The following PAPPA2 variants were observed in gnomAD, a reference collection of about 807,000 sequenced individuals.
PAPPA2 encodes pappalysin-2.
Under a neutral mutation model 176.4 loss-of-function variants are expected in PAPPA2, and 86 were observed. The ratio of observed to expected loss-of-function variants is 0.49; its 90% CI spans 0.41 to 0.58. PAPPA2 has a LOEUF of 0.58. PAPPA2 is among the 20% of genes least tolerant of loss of function. The pLI is 0.00. For synonymous variants in PAPPA2, 809 were observed against 852.2 expected (o/e 0.95, Z 0.88); for missense variants, 2,073 against 2,256.9 (o/e 0.92, Z 1.65).
intron 3 of PAPPA2, among the ~76,000 whole-genome samples, chr1:176,617,647 C>CATATATATATATATATATATAT (rs150600721): frequency 2.4e-4 from 36 of 147,892 alleles, no homozygotes; most frequent in African/African-American, 7.9e-4. Flanking sequence ...TTCCATGGCG[C>CATATATATATATATATATATAT]ATATATATAT....
intron 21 of PAPPA2, among the ~76,000 whole-genome samples, chr1:176,808,906 T>C (rs1410269880): frequency 6.6e-6 from 1 of 152,192 alleles, no homozygotes; most frequent in East Asian, 1.9e-4. Context: ...ATATTTTACT[T>C]AGAGAAAAGT....
intron 14 of PAPPA2, among the ~76,000 whole-genome samples, chr1:176,742,674 C>T (rs1024189050): frequency 6.6e-6 from 1 of 152,118 alleles, no homozygotes; most frequent in Admixed American, 6.6e-5. Flanking sequence ...GTGAATATAA[C>T]TGAAACCTAA....
intron 3 of PAPPA2, among the ~76,000 whole-genome samples, chr1:176,624,603 G>A (rs891208070): frequency 6.6e-6 from 1 of 151,950 alleles, no homozygotes; most frequent in Non-Finnish European, 1.5e-5. Context: ...AACACATCAA[G>A]CTTCTTCCCA....
intron 2 of PAPPA2, among the ~76,000 whole-genome samples, chr1:176,590,897 C>T (rs1653615806): frequency 6.6e-6 from 1 of 152,050 alleles, no homozygotes; most frequent in Non-Finnish European, 1.5e-5. Flanking sequence ...CAGTCTGACA[C>T]CTAATCTCTC....
chr1:176,742,464 C>T (rs1464399986), intron 14 of PAPPA2, among the ~76,000 whole-genome samples: 2 of 152,168 alleles, frequency 1.3e-5, no homozygotes, highest in Admixed American at 6.6e-5. Flanking sequence ...AAACAAGTTT[C>T]ATATGCATGC....
intron 21 of PAPPA2, among the ~76,000 whole-genome samples, chr1:176,816,877 T>C (rs572721765): frequency 2.6e-5 from 4 of 152,304 alleles, no homozygotes; most frequent in Admixed American, 2.0e-4. Context: ...TCTAAATTCT[T>C]ATTTCACCTA....
intron 1 of PAPPA2, among the ~76,000 whole-genome samples, chr1:176,498,385 A>C (rs919740421): frequency 6.6e-5 from 10 of 152,108 alleles, no homozygotes; most frequent in Admixed American, 3.9e-4. Flanking sequence ...AAACCTAAAC[A>C]ATCAGATTTT....
intron 21 of PAPPA2, among the ~76,000 whole-genome samples, chr1:176,821,171 T>C (rs1350820265): frequency 1.3e-5 from 2 of 152,160 alleles, no homozygotes; most frequent in African/African-American, 4.8e-5. Flanking sequence ...CTACGATGTG[T>C]TGAGATTACA....
intron 10 of PAPPA2, among the ~76,000 whole-genome samples, chr1:176,706,711 C>T (rs904362880): frequency 2.6e-5 from 4 of 152,154 alleles, no homozygotes; most frequent in African/African-American, 9.7e-5. Flanking sequence ...AGCATTTGAA[C>T]TAAGGAAGTA....
In PAPPA2 at chr1:176,477,207, A is replaced by G. The variant is rs570321585; in HGVS notation, c.-917+13789A>G. On this transcript the variant is annotated intron_variant, in intron 1 of 22. Transcript: ENST00000367662. ...CCTCTCAGGATCATAGTCTCATTGC[A>G]TATCCTTTCTTGTGACCTTGCTGCA... Among the ~76,000 whole-genome samples the G allele has an allele frequency of 5.9e-5, 9 of 152,314 alleles. No homozygotes were observed. The East Asian group carries it at 1.5e-3, about 26-fold the overall frequency.
chr1:176,531,165 A>G (rs965204156), intron 1 of PAPPA2, among the ~76,000 whole-genome samples: 1 of 152,228 alleles, frequency 6.6e-6, no homozygotes, highest in Non-Finnish European at 1.5e-5. Flanking sequence ...ACACCAACAC[A>G]GTTTCTAGCA....
intron 3 of PAPPA2, among the ~76,000 whole-genome samples, chr1:176,610,508 T>G (rs1654856642): frequency 6.6e-6 from 1 of 152,166 alleles, no homozygotes; most frequent in Non-Finnish European, 1.5e-5. Flanking sequence ...GATGTAGTCA[T>G]TAAAAATATC....
chr1:176,753,858 G>A (rs371389326), intron 14 of PAPPA2, among the ~76,000 whole-genome samples: 4 of 151,826 alleles, frequency 2.6e-5, no homozygotes, highest in African/African-American at 9.7e-5. Context: ...TTGCTTTCTT[G>A]CCCAACTTCC....
chr1:176,606,263 T>G (rs1201401370), intron 3 of PAPPA2, among the ~76,000 whole-genome samples: 1 of 152,218 alleles, frequency 6.6e-6, no homozygotes, highest in Non-Finnish European at 1.5e-5. Context: ...CTTCAGAGCC[T>G]GATTTTCCAA....
intron 1 of PAPPA2, among the ~76,000 whole-genome samples, chr1:176,527,970 C>G (rs554506951): frequency 1.8e-4 from 27 of 152,348 alleles, no homozygotes; most frequent in African/African-American, 6.5e-4. Context: ...TCAACTTGTC[C>G]TGGACTTTTC....
In PAPPA2 at chr1:176,484,377, T is replaced by C. The variant is rs149665480; in HGVS notation, c.-917+20959T>C. ...CTATTCTCTGAGCTTCCTGGATCTG[T>C]CGTTTAATGTGTGACACTAATTTTG... On this transcript the variant is annotated intron_variant, in intron 1 of 22. Coordinates refer to ENST00000367662, the MANE Select transcript of PAPPA2 (RefSeq NM_020318.3). Among the ~76,000 whole-genome samples the C allele has an allele frequency of 4.2e-3, 640 of 152,348 alleles. 6 individuals carry two copies. The highest frequency in any genetic ancestry group is 0.014 in the African/African-American group (584 of 41,572).
chr1:176,684,890 G>A (rs1219312048), intron 4 of PAPPA2, among the ~76,000 whole-genome samples: 9 of 152,172 alleles, frequency 5.9e-5, no homozygotes, highest in Admixed American at 5.2e-4. Flanking sequence ...GCACTTGTCT[G>A]TTTGCAGCCC....
At chr1:176,699,724 A>G in intron 8 of PAPPA2, 135 bp downstream of exon 8, 1 of 1,387,194 alleles carries the variant, frequency 7.2e-7, no homozygotes. Flanking sequence ...ATTTTACCGT[A>G]AAGTGGCATA....
At chr1:176,782,360 G>A (rs1664756776) in intron 17 of PAPPA2, among the ~76,000 whole-genome samples, 1 of 152,180 alleles carries the variant, frequency 6.6e-6, no homozygotes, top group South Asian at 2.1e-4. Flanking sequence ...CATGGTGGGA[G>A]CTGATGATAA....
Sources: allele counts gnomAD v4.1 joint callset (sites outside exome capture counted in the v4.1 genomes callset), GRCh38; gene constraint gnomAD v4.1.1; transcripts MANE v1.5; gene names NCBI Gene and HGNC (gene_info 2026-07-23, HGNC 2026-07-21).